ADAMTSL1: variants seen among roughly 807,000 people sequenced by gnomAD.
ADAMTSL1 encodes the protein ADAMTS-like protein 1.
ADAMTSL1 carries 126 observed loss-of-function variants against 201.8 expected under a neutral mutation model. That is an observed-to-expected ratio of 0.62 (90% CI 0.54 to 0.72). The LOEUF (loss-of-function observed/expected upper bound fraction) is 0.72, where lower values mean the gene tolerates loss of function less well. Among genes scored for constraint, ADAMTSL1 ranks in the 30% least tolerant of loss-of-function variants. ADAMTSL1 has a pLI of 0.00. For missense variants in ADAMTSL1, 2,679 were observed against 2,277.8 expected (o/e 1.18, Z -3.59); for synonymous variants, 1,121 against 903.4 (o/e 1.24, Z -4.32).
chr9:18,391,824 C>CTTTTTTT (rs11407945), intron 2 of ADAMTSL1, among the ~76,000 whole-genome samples: 9 of 116,726 alleles, frequency 7.7e-5, no homozygotes, highest in Admixed American at 2.1e-4. Context: ...TCTTTTCTTT[C>CTTTTTTT]TTTTTTTTTT....
chr9:18,432,645 T>G (rs1819547728), intron 2 of ADAMTSL1, among the ~76,000 whole-genome samples: 1 of 152,212 alleles, frequency 6.6e-6, no homozygotes, highest in Admixed American at 6.5e-5. Flanking sequence ...CACATTCCAG[T>G]GGTTGCTTGC....
chr9:18,004,005 T>C (rs990708633), intron 1 of ADAMTSL1, among the ~76,000 whole-genome samples: 4 of 152,056 alleles, frequency 2.6e-5, no homozygotes, highest in African/African-American at 7.2e-5. Flanking sequence ...CTGTAGAATG[T>C]CAATGTTTGG....
chr9:18,081,209 G>C (rs1323783663), intron 1 of ADAMTSL1, among the ~76,000 whole-genome samples: 1 of 152,162 alleles, frequency 6.6e-6, no homozygotes, highest in Non-Finnish European at 1.5e-5. Context: ...TCTCAAGGTG[G>C]AAAACTGCTC....
chr9:18,291,531 G>A (rs1316993448), intron 2 of ADAMTSL1, among the ~76,000 whole-genome samples: 1 of 152,094 alleles, frequency 6.6e-6, no homozygotes, highest in Non-Finnish European at 1.5e-5. Flanking sequence ...GCCCCAAGGT[G>A]ATTGAACCAT....
intron 2 of ADAMTSL1, among the ~76,000 whole-genome samples, chr9:18,278,191 C>T (rs1174862466): frequency 6.6e-6 from 1 of 152,104 alleles, no homozygotes. Context: ...GGTATTTATG[C>T]ACTACCATTA....
At chr9:18,056,310 C>T (rs1822182392) in intron 1 of ADAMTSL1, among the ~76,000 whole-genome samples, 1 of 152,150 alleles carries the variant, frequency 6.6e-6, no homozygotes, top group South Asian at 2.1e-4. Context: ...ATCTGAGTTT[C>T]TTCCTTTCTG....
intron 1 of ADAMTSL1, among the ~76,000 whole-genome samples, chr9:18,067,256 C>T (rs890167319): frequency 3.3e-5 from 5 of 152,100 alleles, no homozygotes; most frequent in African/African-American, 1.2e-4. Context: ...CTAACTTTCT[C>T]GTTGTTAAGG....
chr9:18,267,391 C>T (rs180881949), intron 2 of ADAMTSL1, among the ~76,000 whole-genome samples: 1 of 152,118 alleles, frequency 6.6e-6, no homozygotes, highest in African/African-American at 2.4e-5. Context: ...GGACCTGACT[C>T]TTGCATGTGG....
intron 1 of ADAMTSL1, among the ~76,000 whole-genome samples, chr9:18,480,524 G>T (rs1054264237): frequency 6.6e-6 from 1 of 152,184 alleles, no homozygotes; most frequent in African/African-American, 2.4e-5. Flanking sequence ...CTTACACTGT[G>T]AACATTCATT....
intron 2 of ADAMTSL1, among the ~76,000 whole-genome samples, chr9:18,433,058 A>AT (rs146251294): frequency 0.017 from 2,570 of 152,126 alleles, 70 homozygotes; most frequent in African/African-American, 0.058. Context: ...CTTTGGCTAG[A>AT]TTTTTTTTAA....
chr9:18,862,099 G>A (rs1302935664), intron 23 of ADAMTSL1, among the ~76,000 whole-genome samples: 1 of 152,132 alleles, frequency 6.6e-6, no homozygotes, highest in Non-Finnish European at 1.5e-5. Flanking sequence ...ACCCTGTGCT[G>A]TGCCCAGTGA....
intron 2 of ADAMTSL1, among the ~76,000 whole-genome samples, chr9:18,302,541 G>C (rs1833746391): frequency 6.6e-6 from 1 of 152,144 alleles, no homozygotes; most frequent in Non-Finnish European, 1.5e-5. Context: ...GTATTTGAAG[G>C]CCTAAACTCA....
intron 19 of ADAMTSL1, chr9:18,793,399 G>T (rs1405892278): frequency 6.6e-6 from 1 of 152,232 alleles, no homozygotes; most frequent in Non-Finnish European, 1.5e-5. Context: ...ATACAGCCTG[G>T]AGAGACCCGG....
At chr9:18,742,388 C>T (rs1197387455) in intron 15 of ADAMTSL1, among the ~76,000 whole-genome samples, 2 of 152,102 alleles carry the variant, frequency 1.3e-5, no homozygotes, top group African/African-American at 4.8e-5. Flanking sequence ...ATCTTAAATG[C>T]CTTGTGGTCT....
At chr9:18,414,890 G>C (rs1818605814) in intron 2 of ADAMTSL1, among the ~76,000 whole-genome samples, 1 of 152,174 alleles carries the variant, frequency 6.6e-6, no homozygotes, top group Admixed American at 6.5e-5. Flanking sequence ...CACTCCCAAA[G>C]AGTGGGAGGT....
chr9:18,782,934 G>A (rs1015678888), intron 19 of ADAMTSL1, among the ~76,000 whole-genome samples: 12 of 152,188 alleles, frequency 7.9e-5, no homozygotes, highest in Admixed American at 3.9e-4. Context: ...AGGTTGTGAG[G>A]GTAACTGGAG....
chr9:18,457,282 A>G (rs1008581323), intron 2 of ADAMTSL1, among the ~76,000 whole-genome samples: 1 of 152,230 alleles, frequency 6.6e-6, no homozygotes, highest in East Asian at 1.9e-4. Flanking sequence ...CAGTTAAAAT[A>G]AAATCACGGA....
At chr9:18,022,447 G>T (rs1174665725) in intron 1 of ADAMTSL1, among the ~76,000 whole-genome samples, 3 of 152,040 alleles carry the variant, frequency 2.0e-5, no homozygotes, top group Admixed American at 2.0e-4. Flanking sequence ...CTCCTAGCTG[G>T]CTATGGGAAG....
intron 20 of ADAMTSL1, among the ~76,000 whole-genome samples, chr9:18,799,169 A>T (rs1206354668): frequency 6.6e-6 from 1 of 152,222 alleles, no homozygotes; most frequent in African/African-American, 2.4e-5. Flanking sequence ...CTCCAAGTGT[A>T]GATGAAAGTA....
Sources: gnomAD v4.1 joint callset for allele counts (sites outside exome capture counted in the v4.1 genomes callset) on GRCh38, gnomAD v4.1.1 for gene constraint, MANE v1.5 for transcripts, NCBI Gene and HGNC (gene_info 2026-07-23, HGNC 2026-07-21) for gene names.